SH2D1B: variants seen among roughly 807,000 people sequenced by gnomAD.
SH2D1B encodes SH2 domain containing 1B, also known as SH2 domain-containing protein 1B.
A neutral mutation model predicts 16.3 loss-of-function variants in SH2D1B; 11 were observed. That is an observed-to-expected ratio of 0.67 (90% confidence interval 0.42 to 1.11). The LOEUF (loss-of-function observed/expected upper bound fraction) is 1.11, where lower values mean the gene tolerates loss of function less well. SH2D1B is among the 50% of genes most tolerant of loss of function. The probability of loss-of-function intolerance (pLI) is 0.00; values close to 1 mark genes in which losing one functional copy is unlikely to be tolerated. For missense variants in SH2D1B, 123 were observed against 153.1 expected, an observed-to-expected ratio of 0.80 and a Z score of 1.04; for synonymous variants, 55 against 56.1, an observed-to-expected ratio of 0.98 and a Z score of 0.09.
intron 1 of SH2D1B, among the ~76,000 whole-genome samples, chr1:162,407,848 A>T (rs1648686159): frequency 6.6e-6 from 1 of 152,208 alleles, no homozygotes; most frequent in South Asian, 2.1e-4. Flanking sequence ...GGGCAGAAAC[A>T]TTGCCAGTAG....
At chr1:162,403,519 T>A (rs1397637937) in intron 1 of SH2D1B, among the ~76,000 whole-genome samples, 1,460 of 25,208 alleles carry the variant, frequency 0.058, 27 homozygotes, top group Non-Finnish European at 0.067. Flanking sequence ...AAAATATATA[T>A]ATATATATAT....
rs1361227538 is a variant in SH2D1B at position 162,396,320 on chromosome 1, A to T, written c.*960T>A. The T allele has an allele frequency of 6.6e-6, 1 of 152,200 alleles. No individual in the cohort carries two copies. Among genetic ancestry groups the T allele is most frequent in the African/African-American group, 2.4e-5 (1 of 41,432 alleles). 9.4% of individuals were successfully genotyped at this position (152,200 alleles called of 1,614,324 possible). On this transcript the variant is annotated 3_prime_UTR_variant, in exon 4 of 4. Transcript: ENST00000367929. ...TTTGAACTAGCAGAAAAATTCAGCA[A>T]ATCAATTTCAGTAAACCTTAAAAAC...
At chr1:162,397,442 G>T (rs1318889219) in intron 3 of SH2D1B, 127 bp from the exon 4 acceptor site, 4 of 968,666 alleles carry the variant, frequency 4.1e-6, no homozygotes, top group Non-Finnish European at 1.6e-6. Context: ...CCACCTGAAA[G>T]TTGTATCTTT....
chr1:162,400,321 T>C, intron 2 of SH2D1B, among the ~76,000 whole-genome samples: 1 of 136,920 alleles, frequency 7.3e-6, no homozygotes, highest in South Asian at 2.4e-4. Flanking sequence ...AGACGGAGTC[T>C]CACTCTGTGG....
intron 2 of SH2D1B, 118 bp downstream of exon 2, chr1:162,402,621 A>C: frequency 1.2e-6 from 1 of 807,012 alleles, no homozygotes; most frequent in South Asian, 1.6e-5. Flanking sequence ...TCATCTCTGC[A>C]TTGTGCTTTC....
At chr1:162,398,012 G>A (rs553681293) in intron 3 of SH2D1B, among the ~76,000 whole-genome samples, 3 of 152,316 alleles carry the variant, frequency 2.0e-5, no homozygotes, top group East Asian at 3.9e-4. Context: ...ATGGGGATGG[G>A]GGGACAGGGA....
At chr1:162,408,773 C>T (rs1419956601) in intron 1 of SH2D1B, among the ~76,000 whole-genome samples, 1 of 151,924 alleles carries the variant, frequency 6.6e-6, no homozygotes, top group Non-Finnish European at 1.5e-5. Context: ...TGGGCTGATG[C>T]ACCACAGAAC....
intron 1 of SH2D1B, 74 bp from the exon 2 acceptor site, chr1:162,402,876 T>C (rs1437275586): frequency 4.4e-6 from 5 of 1,140,084 alleles, no homozygotes; most frequent in Non-Finnish European, 6.6e-6. Flanking sequence ...ATGTTTCATA[T>C]GCAATACCTT....
Position 162,395,619 on chromosome 1 carries a change from C to G in SH2D1B, c.*1661G>C, listed in dbSNP as rs946998207. The G allele has an allele frequency of 4.6e-5, 7 of 152,098 alleles. No homozygotes were observed. The highest frequency in any genetic ancestry group is 7.4e-5 in the Non-Finnish European group (5 of 68,010). 9.4% of individuals were successfully genotyped at this position (152,098 alleles called of 1,614,324 possible). A position where few individuals can be genotyped will look rare whatever the true frequency, so the allele number is the denominator to read the frequency against. On this transcript the variant is annotated 3_prime_UTR_variant, in exon 4 of 4. Transcript: ENST00000367929. The stretch of plus-strand genomic sequence containing the variant: ...GAAAATAAAATGTTATTATTTATAG[C>G]TGACAAAATCATTTACATAGAAAAC...
In SH2D1B at chr1:162,399,125, G is replaced by A. The variant is rs766760011; in HGVS notation, c.199-38C>T. 6.4e-6 allele frequency: 10 copies of A among 1,570,786 alleles called. No individual in the cohort carries two copies. The East Asian group carries it at 2.3e-4, about 36-fold the overall frequency. ...AAGAAAGGAAATCACTCATTATCAT[G>A]CAATTGCGTGTGAAATGTGACACTT... On this transcript the variant is annotated intron_variant, in intron 2 of 3. Coordinates refer to ENST00000367929, the MANE Select transcript of SH2D1B (RefSeq NM_053282.5).
In SH2D1B at chr1:162,397,895, T is replaced by C. The variant is rs1648419225; in HGVS notation, c.364-580A>G. Among the ~76,000 whole-genome samples, 3 of 151,710 alleles carry C rather than the reference T, an allele frequency of 2.0e-5. No individual in the cohort carries two copies. In the South Asian group the frequency reaches 6.3e-4, roughly 32 times the overall value. ...GGGTTTCTAGATCTGCCACACTGTA[T>C]ACTTTTTATTCTATAAATTTGGGGG... On this transcript the variant is annotated intron_variant, in intron 3 of 3. Coordinates refer to ENST00000367929, the MANE Select transcript of SH2D1B (RefSeq NM_053282.5).
At chr1:162,403,069 C>T (rs1484749011) in intron 1 of SH2D1B, among the ~76,000 whole-genome samples, 3 of 151,422 alleles carry the variant, frequency 2.0e-5, no homozygotes, top group Non-Finnish European at 4.4e-5. Context: ...CCATCATGCC[C>T]GTTAGAATGG....
rs774295348 is a variant in SH2D1B, at chr1:162,411,970, TCA to T, written c.45_46del (p.Cys15Ter). 28 of 1,614,014 alleles carry T rather than the reference TCA, an allele frequency of 1.7e-5. No homozygotes were observed. Among genetic ancestry groups the T allele is most frequent in the Admixed American group, 5.0e-5 (3 of 60,006 alleles). ...CACCCCTTCCTTGAGCAGCAAGGTC[TCA>T]CAGTCTTGCTTGGTCAGACGTCCAT... On this transcript the variant is annotated stop_gained and frameshift_variant, in exon 1 of 4. Coordinates refer to ENST00000367929, the MANE Select transcript of SH2D1B (RefSeq NM_053282.5). LOFTEE classifies it high-confidence loss of function.
chr1:162,402,677 G>C, intron 2 of SH2D1B, 62 bp downstream of exon 2: 1 of 1,383,824 alleles, frequency 7.2e-7, no homozygotes, highest in Non-Finnish European at 1.0e-6. Context: ...TAAAAGACAT[G>C]TTCCCAGGTT....
chr1:162,412,085 T>G lies in SH2D1B; in HGVS notation c.-69A>C. 4 of 1,595,368 alleles carry G rather than the reference T, an allele frequency of 2.5e-6. No individual in the cohort carries two copies. Among genetic ancestry groups the G allele is most frequent in the Non-Finnish European group, 3.4e-6 (4 of 1,165,924 alleles). On this transcript the variant is annotated 5_prime_UTR_variant, in exon 1 of 4. Coordinates refer to ENST00000367929, the MANE Select transcript of SH2D1B (RefSeq NM_053282.5). ...TCACCCCCAAGTCAAGGGACAGCTC[T>G]GAGGAGAGATGTGTAAGCAGCTGTA... is the stretch of plus-strand genomic sequence containing the variant.
intron 2 of SH2D1B, 99 bp from the exon 3 acceptor site, chr1:162,399,186 G>A: frequency 8.2e-7 from 1 of 1,218,778 alleles, no homozygotes; most frequent in Non-Finnish European, 1.1e-6. Context: ...GCCCTTCTAT[G>A]AGCTGAAAAA....
intron 1 of SH2D1B, among the ~76,000 whole-genome samples, chr1:162,403,162 T>G (rs1648563782): frequency 6.6e-6 from 1 of 152,128 alleles, no homozygotes; most frequent in Non-Finnish European, 1.5e-5. Context: ...TATAGCCATA[T>G]GGAAAACAGT....
intron 1 of SH2D1B, among the ~76,000 whole-genome samples, chr1:162,411,254 C>T (rs1648789045): frequency 1.3e-5 from 2 of 152,172 alleles, no homozygotes; most frequent in Admixed American, 6.5e-5. Context: ...CCATGCCCAG[C>T]CTGGAATTTC....
At chr1:162,408,991 C>T (rs1413204302) in intron 1 of SH2D1B, among the ~76,000 whole-genome samples, 1 of 151,656 alleles carries the variant, frequency 6.6e-6, no homozygotes, top group Admixed American at 6.6e-5. Context: ...ACCTGTAGTC[C>T]CAGATACTCA....
Sources: gnomAD v4.1 joint callset for allele counts (sites outside exome capture counted in the v4.1 genomes callset) on GRCh38, gnomAD v4.1.1 for gene constraint, MANE v1.5 for transcripts, NCBI Gene and HGNC (gene_info 2026-07-23, HGNC 2026-07-21) for gene names.